Variants in EXOC2 observed in about 807,000 individuals in gnomAD.
The protein encoded by EXOC2 is exocyst complex component 2, also known as SEC5-like 1.
A neutral mutation model predicts 131.8 loss-of-function variants in EXOC2; 70 were observed. The ratio of observed to expected loss-of-function variants is 0.53; its 90% CI spans 0.44 to 0.65. The LOEUF (loss-of-function observed/expected upper bound fraction) is 0.65, where lower values mean the gene tolerates loss of function less well. Among genes scored for constraint, EXOC2 ranks in the 30% least tolerant of loss-of-function variants. The pLI, the probability that EXOC2 is intolerant of heterozygous loss-of-function variation, is 0.00. For missense variants in EXOC2, 923 were observed against 1,108.6 expected, an observed-to-expected ratio of 0.83 and a Z score of 2.38; for synonymous variants, 411 against 398.4, an observed-to-expected ratio of 1.03 and a Z score of -0.38.
At chr6:531,985 T>C (rs969990269) in intron 23 of EXOC2, among the ~76,000 whole-genome samples, 1 of 152,252 alleles carries the variant, frequency 6.6e-6, no homozygotes, top group African/African-American at 2.4e-5. Flanking sequence ...CATTCATCCT[T>C]CTGTGGCTCA....
chr6:678,038 G>C (rs774523438), intron 1 of EXOC2, among the ~76,000 whole-genome samples: 1 of 151,916 alleles, frequency 6.6e-6, no homozygotes, highest in Non-Finnish European at 1.5e-5. Context: ...CTCCCTCCCT[G>C]ACCAGTTCTT....
At chr6:489,060 T>TGAA in intron 26 of EXOC2, 22 bp from the exon 27 acceptor site, 1 of 1,613,228 alleles carries the variant, frequency 6.2e-7, no homozygotes, top group South Asian at 1.1e-5. Flanking sequence ...ACAGCCACAC[T>TGAA]GAAGTTGAAG....
chr6:659,717 T>G (rs1173216759), intron 1 of EXOC2, among the ~76,000 whole-genome samples: 2 of 152,216 alleles, frequency 1.3e-5, no homozygotes, highest in African/African-American at 4.8e-5. Context: ...GAGCTCACTG[T>G]GTCCCCTTGC....
At chr6:650,746 T>G (rs1762791811) in intron 1 of EXOC2, among the ~76,000 whole-genome samples, 1 of 152,202 alleles carries the variant, frequency 6.6e-6, no homozygotes, top group Non-Finnish European at 1.5e-5. Flanking sequence ...GTAAAATTAT[T>G]TATGTTCTAA....
At chr6:649,702 C>T (rs1367258668) in intron 1 of EXOC2, among the ~76,000 whole-genome samples, 3 of 152,176 alleles carry the variant, frequency 2.0e-5, no homozygotes, top group Admixed American at 1.3e-4. Flanking sequence ...AATATACACG[C>T]AAGAGTAATT....
At chr6:539,999 C>T (rs1766711460) in intron 22 of EXOC2, among the ~76,000 whole-genome samples, 1 of 152,144 alleles carries the variant, frequency 6.6e-6, no homozygotes, top group South Asian at 2.1e-4. Context: ...AGTATTAACA[C>T]AAAAAAGAAA....
intron 21 of EXOC2, among the ~76,000 whole-genome samples, chr6:553,020 C>T (rs1757228135): frequency 6.6e-6 from 1 of 152,150 alleles, no homozygotes; most frequent in African/African-American, 2.4e-5. Flanking sequence ...TGGGCTGAAG[C>T]GATTCTCCTG....
At chr6:493,703 C>T (rs1763563578) in intron 25 of EXOC2, among the ~76,000 whole-genome samples, 1 of 152,122 alleles carries the variant, frequency 6.6e-6, no homozygotes, top group Non-Finnish European at 1.5e-5. Flanking sequence ...GCTATGGCCT[C>T]AAGGAAGGAA....
chr6:608,015 C>T (rs1760513554), intron 7 of EXOC2, among the ~76,000 whole-genome samples: 2 of 152,144 alleles, frequency 1.3e-5, no homozygotes, highest in South Asian at 4.1e-4. Flanking sequence ...GAAGAAATAT[C>T]CATATACATT....
At chr6:570,812 A>G (rs961892004) in intron 13 of EXOC2, among the ~76,000 whole-genome samples, 2 of 152,210 alleles carry the variant, frequency 1.3e-5, no homozygotes, top group Non-Finnish European at 2.9e-5. Context: ...TATGAATGCC[A>G]TCTGTCCAAA....
rs1483225171 is a variant in EXOC2 at position 506,914 on chromosome 6, G to A, written c.2381-7214C>T. 5.9e-5 allele frequency among the ~76,000 whole-genome samples: 9 copies of A among 151,918 alleles called. No individual in the cohort carries two copies. The highest frequency in any genetic ancestry group is 3.3e-4 in the Admixed American group (5 of 15,250). On this transcript the variant is annotated intron_variant, in intron 23 of 27. Coordinates refer to ENST00000230449, the MANE Select transcript of EXOC2 (RefSeq NM_018303.6). The surrounding 1 kb of genome is among the most constrained non-coding windows in gnomAD (Gnocchi z 4.4). ...CATATAGGAAGGTCACTTGATTTTGGAACAGGCAAACTGGCACACTATTAA... is the reference window on the plus strand; with the variant it reads ...CATATAGGAAGGTCACTTGATTTTGAAACAGGCAAACTGGCACACTATTAA...
chr6:683,067 AAC>A (rs1353622359), intron 1 of EXOC2, among the ~76,000 whole-genome samples: 1 of 152,170 alleles, frequency 6.6e-6, no homozygotes, highest in Non-Finnish European at 1.5e-5. Context: ...CAGTGATGGA[AAC>A]AGAGCTCAGG....
intron 23 of EXOC2, among the ~76,000 whole-genome samples, chr6:504,288 T>C (rs1764399271): frequency 6.6e-6 from 1 of 152,094 alleles, no homozygotes; most frequent in Non-Finnish European, 1.5e-5. Flanking sequence ...ACGGAGAAGG[T>C]GAGGCAGAGG....
intron 9 of EXOC2, among the ~76,000 whole-genome samples, chr6:598,525 T>C (rs1456529406): frequency 2.0e-5 from 3 of 152,188 alleles, no homozygotes; most frequent in Non-Finnish European, 4.4e-5. Context: ...TCTATGGGTC[T>C]CTCTGAAGAC....
chr6:677,660 G>C (rs900964787), intron 1 of EXOC2, among the ~76,000 whole-genome samples: 11 of 152,142 alleles, frequency 7.2e-5, no homozygotes, highest in African/African-American at 2.4e-4. Flanking sequence ...GTAGAGATGG[G>C]GTTTCACCAT....
intron 1 of EXOC2, among the ~76,000 whole-genome samples, chr6:690,783 A>G (rs1764888518): frequency 1.3e-5 from 2 of 152,240 alleles, no homozygotes; most frequent in Admixed American, 1.3e-4. Flanking sequence ...TTTTTGACTA[A>G]TATAAACATA....
At chr6:565,841 T>C (rs552117470) in intron 13 of EXOC2, among the ~76,000 whole-genome samples, 2 of 152,360 alleles carry the variant, frequency 1.3e-5, no homozygotes, top group Admixed American at 6.5e-5. Context: ...ACGTTGTATA[T>C]ATATTTATTT....
chr6:687,217 C>T (rs908033463), intron 1 of EXOC2, among the ~76,000 whole-genome samples: 2 of 115,266 alleles, frequency 1.7e-5, no homozygotes, highest in African/African-American at 6.4e-5. Context: ...CACTCAGTCA[C>T]CCAGGCTGCT....
chr6:581,521 T>C (rs193000432), intron 11 of EXOC2, among the ~76,000 whole-genome samples: 4 of 152,312 alleles, frequency 2.6e-5, no homozygotes, highest in African/African-American at 9.6e-5. Flanking sequence ...CATCACCCTA[T>C]AGTGTGGGAA....
Sources: gnomAD v4.1 joint callset for allele counts (sites outside exome capture counted in the v4.1 genomes callset) on GRCh38, gnomAD v4.1.1 for gene constraint, Gnocchi (gnomAD v3.1) non-coding constraint, MANE v1.5 for transcripts, NCBI Gene and HGNC (gene_info 2026-07-23, HGNC 2026-07-21) for gene names.